The following ADAMTS8 variants were observed in gnomAD, a reference collection of about 807,000 sequenced individuals.
The protein encoded by ADAMTS8 is A disintegrin and metalloproteinase with thrombospondin motifs 8.
Under a neutral mutation model 64.4 loss-of-function variants are expected in ADAMTS8, and 50 were observed. That is an observed-to-expected ratio of 0.78 (90% CI 0.62 to 0.98). The LOEUF (loss-of-function observed/expected upper bound fraction) is 0.98, where lower values mean the gene tolerates loss of function less well. Ranked by LOEUF, ADAMTS8 falls within the 50% of genes least tolerant of loss-of-function variation. The probability of loss-of-function intolerance (pLI) is 0.00; values close to 1 mark genes in which losing one functional copy is unlikely to be tolerated. For missense variants in ADAMTS8, 1,192 were observed against 1,208.2 expected (o/e 0.99, Z 0.20); for synonymous variants, 556 against 533.6 (o/e 1.04, Z -0.58).
Position 130,428,399 on chromosome 11 carries a change from T to G in ADAMTS8, c.-113A>C. The G allele has an allele frequency of 8.7e-7, 1 of 1,156,016 alleles. No homozygotes were observed. The allele number at this position is 1,156,016 out of a possible 1,614,324, so 71.6% of individuals were successfully genotyped here. A position where few individuals can be genotyped will look rare whatever the true frequency, so the allele number is the denominator to read the frequency against. ...CTCTCTCCAGGAAAAGCGGAATCAA[T>G]CGGGTGCAAGGCCGACTCGGCCCGC... On this transcript the variant is annotated 5_prime_UTR_variant, in exon 1 of 9. Transcript: ENST00000257359.
chr11:130,409,180 C>G (rs1436087762), intron 6 of ADAMTS8, among the ~76,000 whole-genome samples: 2 of 152,162 alleles, frequency 1.3e-5, no homozygotes, highest in African/African-American at 4.8e-5. Context: ...ATGCCCTTTC[C>G]ATTAGGGAAA....
Position 130,411,097 on chromosome 11 carries a change from T to A in ADAMTS8, c.1750+320A>T, listed in dbSNP as rs977517517. 3.9e-5 allele frequency among the ~76,000 whole-genome samples: 6 copies of A among 152,052 alleles called. No homozygotes were observed. Among genetic ancestry groups the A allele is most frequent in the Admixed American group, 6.6e-5 (1 of 15,264 alleles). ...CTGCAGAGGCTCCTCCCCAATAAGT[T>A]TGGTTGGGAGTGATGTCCTCCTCTC... On this transcript the variant is annotated intron_variant, in intron 6 of 8. Transcript: ENST00000257359. This position sits in a 1 kb window ranked among gnomAD's most constrained non-coding sequence, Gnocchi z 4.2.
At chr11:130,423,890 G>C (rs1050856313) in intron 1 of ADAMTS8, among the ~76,000 whole-genome samples, 1 of 152,184 alleles carries the variant, frequency 6.6e-6, no homozygotes, top group East Asian at 1.9e-4. Flanking sequence ...AGGCCCCTCT[G>C]TCTGAGCTCC....
rs746066628 is a variant in ADAMTS8, at chr11:130,416,162, C to T, written c.1264+1G>A. 3.8e-6 allele frequency: 6 copies of T among 1,572,940 alleles called. No homozygotes were observed. The highest frequency in any genetic ancestry group is 1.2e-5 in the South Asian group (1 of 86,126). On this transcript the variant is annotated splice_donor_variant, in intron 4 of 8. Coordinates refer to ENST00000257359, the MANE Select transcript of ADAMTS8 (RefSeq NM_007037.6). LOFTEE classifies it high-confidence loss of function. This position sits in a 1 kb window ranked among gnomAD's most constrained non-coding sequence, Gnocchi z 4.8. Reference sequence around the variant, plus strand: ...AGTAGGGCGGGGCCGCCGGTGCCTACCGTGCCCGCCGTCCAGAAGCTCTGT... The same window carrying T: ...AGTAGGGCGGGGCCGCCGGTGCCTATCGTGCCCGCCGTCCAGAAGCTCTGT...
intron 1 of ADAMTS8, among the ~76,000 whole-genome samples, chr11:130,425,610 T>C (rs1383882349): frequency 8.6e-5 from 13 of 151,198 alleles, no homozygotes; most frequent in Admixed American, 2.6e-4. Context: ...TTTCTTTTTT[T>C]TTTTTTTTAA....
intron 5 of ADAMTS8, among the ~76,000 whole-genome samples, chr11:130,412,272 G>C (rs1861962467): frequency 6.6e-6 from 1 of 152,224 alleles, no homozygotes; most frequent in Admixed American, 6.5e-5. Context: ...GGAGTTCAAA[G>C]GCGTGATCTC....
intron 1 of ADAMTS8, among the ~76,000 whole-genome samples, chr11:130,425,626 A>T (rs1289250938): frequency 4.5e-5 from 6 of 132,764 alleles, no homozygotes; most frequent in African/African-American, 8.9e-5. Flanking sequence ...TTTAAGATGG[A>T]GTCTTGCTCT....
intron 4 of ADAMTS8, among the ~76,000 whole-genome samples, chr11:130,415,603 C>CTGTTTT: frequency 9.5e-6 from 1 of 104,794 alleles, no homozygotes; most frequent in East Asian, 3.3e-4. Context: ...GCACCTGGCC[C>CTGTTTT]TTTTTTTTTT....
intron 6 of ADAMTS8, among the ~76,000 whole-genome samples, chr11:130,409,313 T>A (rs1861924605): frequency 6.6e-6 from 1 of 152,158 alleles, no homozygotes; most frequent in South Asian, 2.1e-4. Flanking sequence ...TTGTGCAGTA[T>A]CGATTTCCTC....
Position 130,405,555 on chromosome 11 carries a change from G to T in ADAMTS8, c.*3C>A. On this transcript the variant is annotated 3_prime_UTR_variant, in exon 9 of 9. Coordinates refer to ENST00000257359, the MANE Select transcript of ADAMTS8 (RefSeq NM_007037.6). ...GCACAAGACTGGCCCCTGCCCCCCT[G>T]AATCACAGGGGGCACAGCTGGCTTT... is the stretch of plus-strand genomic sequence containing the variant. 6.3e-7 allele frequency: 1 copy of T among 1,591,986 alleles called. No homozygotes were observed. The highest frequency in any genetic ancestry group is 1.1e-5 in the South Asian group (1 of 88,090).
intron 1 of ADAMTS8, among the ~76,000 whole-genome samples, chr11:130,427,250 C>T (rs1483815461): frequency 6.6e-6 from 1 of 152,202 alleles, no homozygotes; most frequent in East Asian, 1.9e-4. Context: ...TTGATACCCA[C>T]TTTCGGGTCA....
Position 130,424,320 on chromosome 11 carries a change from T to C in ADAMTS8, c.720+3247A>G, listed in dbSNP as rs564686692. Among the ~76,000 whole-genome samples, 56 of 152,338 alleles carry C rather than the reference T, an allele frequency of 3.7e-4. 1 individual carries two copies. In the East Asian group the frequency reaches 0.01, roughly 28 times the overall value. ...GAAGCCACATGTCCTCTGTGAGCTG[T>C]GCAGTCTCCCTCTGCCCCCCTCACT... is the stretch of plus-strand genomic sequence containing the variant. On this transcript the variant is annotated intron_variant, in intron 1 of 8. Coordinates refer to ENST00000257359, the MANE Select transcript of ADAMTS8 (RefSeq NM_007037.6).
Position 130,427,769 on chromosome 11 carries a change from T to C in ADAMTS8, c.518A>G (p.Glu173Gly). The change falls in exon 1 of 9, where the codon GAG becomes GGG. Residue 173 changes from glutamate to glycine, a missense_variant. By Grantham distance (98) the Glu-to-Gly change is moderately conservative. Coordinates refer to ENST00000257359, the MANE Select transcript of ADAMTS8 (RefSeq NM_007037.6). ...RGPEWEVETG[E>G]GQRQERGDHQ... is the part of the protein sequence containing the mutation. The stretch of plus-strand genomic sequence containing the variant: ...GTCTCCTCTCTCCTGCCTCTGACCC[T>C]CTCCCGTCTCCACCTCCCACTCGGG... 1 of 1,592,132 alleles carries C rather than the reference T, an allele frequency of 6.3e-7. No homozygotes were observed.
chr11:130,426,346 C>T (rs1862166970), intron 1 of ADAMTS8, among the ~76,000 whole-genome samples: 1 of 152,242 alleles, frequency 6.6e-6, no homozygotes, highest in South Asian at 2.1e-4. Flanking sequence ...CTGGACTATT[C>T]TGCACAGGCA....
In ADAMTS8 at chr11:130,408,512, C is replaced by T; in HGVS notation, c.2051G>A (p.Gly684Asp). ...GACCTTCCTGCAGGAGTTGCCTTTG[C>T]CCCCACACACCCCGCATTTGTCCAG... Reference protein sequence around the residue: ...RKLDKCGVCGGKGNSCRKVSG... With the variant: ...RKLDKCGVCGDKGNSCRKVSG... Residue 684 changes from glycine (G) to aspartate (D), a missense_variant, in exon 8 of 9, where the codon GGC (glycine) becomes GAC (aspartate). Physicochemically the swap from Gly to Asp is moderately conservative, Grantham distance 94 (BLOSUM62 -1). This residue lies in a region of ADAMTS8 where 290 missense variants were observed against 297.8 expected (regional missense o/e 0.97). Transcript: ENST00000257359. The T allele has an allele frequency of 6.2e-7, 1 of 1,614,062 alleles. No individual in the cohort carries two copies. Among genetic ancestry groups the T allele is most frequent in the Non-Finnish European group, 8.5e-7 (1 of 1,180,020 alleles).
In ADAMTS8 at chr11:130,422,659, A is replaced by G. The variant is rs114347263; in HGVS notation, c.721-3367T>C. On this transcript the variant is annotated intron_variant, in intron 1 of 8. Coordinates refer to ENST00000257359, the MANE Select transcript of ADAMTS8 (RefSeq NM_007037.6). ...AGGAGAAAAGAGCAACCTGCATCAT[A>G]TGCTTCATCTCCTCTTGTTCTGCAA... Among the ~76,000 whole-genome samples, 338 of 152,324 alleles carry G rather than the reference A, an allele frequency of 2.2e-3. 3 individuals carry two copies. The highest frequency in any genetic ancestry group is 7.3e-3 in the African/African-American group (304 of 41,584).
At chr11:130,425,880 C>A (rs1862159504) in intron 1 of ADAMTS8, among the ~76,000 whole-genome samples, 1 of 152,166 alleles carries the variant, frequency 6.6e-6, no homozygotes, top group Non-Finnish European at 1.5e-5. Flanking sequence ...GGATTACAGG[C>A]TTGAGCCACC....
At chr11:130,418,572 T>C (rs747551059) in intron 2 of ADAMTS8, among the ~76,000 whole-genome samples, 6 of 152,240 alleles carry the variant, frequency 3.9e-5, no homozygotes, top group Non-Finnish European at 8.8e-5. Context: ...GGGGCCCTTA[T>C]GAGACTGAAG....
chr11:130,414,822 G>A lies in ADAMTS8; in HGVS notation c.1275C>T (p.Leu425=). The stretch of plus-strand genomic sequence containing the variant: ...GCAGGGCCGCAGCAGGGGCATCCAG[G>A]AGACAGTCTCCTGGGAAAAGAGGAA... The part of the protein sequence containing the change: ...ELLDGGHGDC[L]LDAPAAALPL... The change falls in exon 5 of 9, where the codon CTC becomes CTT. Residue 425 remains leucine, a synonymous_variant. Transcript: ENST00000257359. The A allele has an allele frequency of 2.5e-6, 4 of 1,606,800 alleles. No homozygotes were observed. The highest frequency in any genetic ancestry group is 3.4e-6 in the Non-Finnish European group (4 of 1,175,666).
Sources: gnomAD v4.1 joint callset for allele counts (sites outside exome capture counted in the v4.1 genomes callset) on GRCh38, gnomAD v4.1.1 for gene constraint, gnomAD v4.1.1 regional missense constraint, Gnocchi (gnomAD v3.1) non-coding constraint, MANE v1.5 for transcripts, NCBI Gene and HGNC (gene_info 2026-07-23, HGNC 2026-07-21) for gene names.